Variants in VSTM2B observed in about 807,000 individuals in gnomAD.
VSTM2B encodes the protein V-set and transmembrane domain-containing protein 2B.
VSTM2B carries 24 observed loss-of-function variants against 24.0 expected under a neutral mutation model. The ratio of observed to expected loss-of-function variants is 1.00; its 90% CI spans 0.72 to 1.40. The LOEUF is 1.40. Among genes scored for constraint, VSTM2B ranks in the 40% most tolerant of loss-of-function variants. The pLI is 0.00. For synonymous variants in VSTM2B, 226 were observed against 194.4 expected (o/e 1.16, Z -1.35); for missense variants, 399 against 416.4 (o/e 0.96, Z 0.36).
Position 29,526,839 on chromosome 19 carries a change from C to A in VSTM2B, c.82+174C>A, listed in dbSNP as rs1969582986. 7 of 569,452 alleles carry A rather than the reference C, an allele frequency of 1.2e-5. No individual in the cohort carries two copies. In the South Asian group the frequency reaches 2.0e-4, roughly 16 times the overall value. The allele number at this position is 569,452 out of a possible 1,614,324, so 35.3% of individuals were successfully genotyped here. A position where few individuals can be genotyped will look rare whatever the true frequency, so the allele number is the denominator to read the frequency against. ...GGCGAGCGGCGAAGGGTCGCCGCAGCAGCAGCGCCGCGCCCGAGTCGTTCC... is the reference window on the plus strand; with the variant it reads ...GGCGAGCGGCGAAGGGTCGCCGCAGAAGCAGCGCCGCGCCCGAGTCGTTCC... On this transcript the variant is annotated intron_variant, in intron 1 of 4. Transcript: ENST00000335523. The surrounding 1 kb of genome is among the most constrained non-coding windows in gnomAD (Gnocchi z 4.1).
rs574373003 is a variant in VSTM2B, at chr19:29,534,963, C to A, written c.769+4673C>A. Among the ~76,000 whole-genome samples, 289 of 152,196 alleles carry A rather than the reference C, an allele frequency of 1.9e-3. 1 individual carries two copies. The highest frequency in any genetic ancestry group is 3.5e-3 in the Non-Finnish European group (238 of 68,036). Reference sequence around the variant, plus strand: ...ATCCATTAGCTACCGCACAGCCAGGCAAGAAAGCCCTTCCCATGCCACATG... The same window carrying A: ...ATCCATTAGCTACCGCACAGCCAGGAAAGAAAGCCCTTCCCATGCCACATG... On this transcript the variant is annotated intron_variant, in intron 4 of 4. Transcript: ENST00000335523.
intron 4 of VSTM2B, among the ~76,000 whole-genome samples, chr19:29,556,210 A>G (rs527866679): frequency 1.3e-5 from 2 of 152,340 alleles, no homozygotes; most frequent in South Asian, 4.1e-4. Flanking sequence ...CAAAAAGCTT[A>G]TTCACCACAA....
rs552530343 is a variant in VSTM2B, at chr19:29,544,301, C to T, written c.769+14011C>T. On this transcript the variant is annotated intron_variant, in intron 4 of 4. Coordinates refer to ENST00000335523, the MANE Select transcript of VSTM2B (RefSeq NM_001146339.2). ...CAGCATTTTGGGAGGCCGAGGCAGG[C>T]GGATCACGAGGTCAGGAGATCGAGA... Among the ~76,000 whole-genome samples, 1,284 of 151,300 alleles carry T rather than the reference C, an allele frequency of 8.5e-3. 16 individuals carry two copies. Among genetic ancestry groups the T allele is most frequent in the African/African-American group, 0.029 (1,179 of 41,318 alleles).
At chr19:29,556,137 C>T (rs1970402644) in intron 4 of VSTM2B, among the ~76,000 whole-genome samples, 1 of 149,474 alleles carries the variant, frequency 6.7e-6, no homozygotes, top group Non-Finnish European at 1.5e-5. Context: ...AGCCAATATC[C>T]CTGATGAACA....
At chr19:29,529,188 G>A (rs1969664554) in intron 3 of VSTM2B, 2 of 957,472 alleles carry the variant, frequency 2.1e-6, no homozygotes, top group Admixed American at 6.2e-5. Context: ...TCGCTGGGGG[G>A]CTTCTGGAGA....
At chr19:29,540,600 C>A (rs73547246) in intron 4 of VSTM2B, among the ~76,000 whole-genome samples, 2 of 152,242 alleles carry the variant, frequency 1.3e-5, no homozygotes, top group Non-Finnish European at 2.9e-5. Flanking sequence ...GGTTCATTCT[C>A]ACTGCTGTTT....
intron 4 of VSTM2B, among the ~76,000 whole-genome samples, chr19:29,532,091 G>A (rs114661458): frequency 0.011 from 1,642 of 152,310 alleles, 25 homozygotes; most frequent in African/African-American, 0.037. Flanking sequence ...CATTTAGGAC[G>A]GCCCTAAGTA....
In VSTM2B at chr19:29,528,859, C is replaced by T. The variant is rs1052448215; in HGVS notation, c.297+397C>T. The T allele has an allele frequency of 4.2e-6, 4 of 960,188 alleles. No homozygotes were observed. In the African/African-American group the frequency reaches 7.0e-5, roughly 17 times the overall value. 59.5% of individuals were successfully genotyped at this position (960,188 alleles called of 1,614,324 possible). ...CGCCAGCTTCCCGCCCCCTCTGCCC[C>T]GCCCTGAGCATCTGCTCTGCGCCCT... On this transcript the variant is annotated intron_variant, in intron 3 of 4. Transcript: ENST00000335523.
intron 3 of VSTM2B, chr19:29,528,829 C>A (rs1969650655): frequency 2.3e-6 from 2 of 874,904 alleles, no homozygotes; most frequent in Non-Finnish European, 1.4e-6. Context: ...TCGCCGCGAC[C>A]GTGGCGCCAG....
chr19:29,531,723 G>C (rs543158407), intron 4 of VSTM2B, among the ~76,000 whole-genome samples: 1 of 152,248 alleles, frequency 6.6e-6, no homozygotes, highest in East Asian at 1.9e-4. Flanking sequence ...AGCCTCCACA[G>C]CCCAGCTGGG....
At chr19:29,548,266 T>C (rs930666450) in intron 4 of VSTM2B, among the ~76,000 whole-genome samples, 1 of 152,102 alleles carries the variant, frequency 6.6e-6, no homozygotes, top group African/African-American at 2.4e-5. Context: ...ACAGCTTGTC[T>C]GCAAACCCAG....
chr19:29,526,942 G>A lies in VSTM2B; in HGVS notation c.83-269G>A. The A allele has an allele frequency of 2.1e-6, 1 of 465,496 alleles. No individual in the cohort carries two copies. Among genetic ancestry groups the A allele is most frequent in the Non-Finnish European group, 3.7e-6 (1 of 267,654 alleles). 28.8% of individuals were successfully genotyped at this position (465,496 alleles called of 1,614,324 possible). Reference sequence around the variant, plus strand: ...AGGCGCGCCCCAGCCAGGCTCTGGCGGTGCGGCCAGGGGCGGGGGAGAAGC... The same window carrying A: ...AGGCGCGCCCCAGCCAGGCTCTGGCAGTGCGGCCAGGGGCGGGGGAGAAGC... On this transcript the variant is annotated intron_variant, in intron 1 of 4. Coordinates refer to ENST00000335523, the MANE Select transcript of VSTM2B (RefSeq NM_001146339.2). This position sits in a 1 kb window ranked among gnomAD's most constrained non-coding sequence, Gnocchi z 4.1.
chr19:29,530,162 C>A lies in VSTM2B; in HGVS notation c.641C>A (p.Ala214Glu), dbSNP rs1409214284. The A allele has an allele frequency of 6.7e-7, 1 of 1,482,472 alleles. No individual in the cohort carries two copies. Among genetic ancestry groups the A allele is most frequent in the Non-Finnish European group, 8.9e-7 (1 of 1,123,988 alleles). 91.8% of individuals were successfully genotyped at this position (1,482,472 alleles called of 1,614,324 possible). The change falls in exon 4 of 5, where the codon GCA (alanine) becomes GAA (glutamate). Residue 214 changes from alanine (A) to glutamate (E), a missense_variant. Transcript: ENST00000335523. ...PGSPPAAIDP[A>E]VPEAAAASAA... is the part of the protein sequence containing the mutation. The stretch of plus-strand genomic sequence containing the variant: ...AGCCCTCCCGCCGCCATCGATCCCG[C>A]AGTCCCCGAGGCCGCGGCAGCCTCG...
At chr19:29,549,572 G>A (rs1015126810) in intron 4 of VSTM2B, among the ~76,000 whole-genome samples, 4 of 151,134 alleles carry the variant, frequency 2.6e-5, no homozygotes, top group Admixed American at 6.6e-5. Context: ...CCAGACACTG[G>A]CCCCAATGCT....
chr19:29,535,519 T>A (rs1969866709), intron 4 of VSTM2B, among the ~76,000 whole-genome samples: 1 of 151,956 alleles, frequency 6.6e-6, no homozygotes, highest in Non-Finnish European at 1.5e-5. Flanking sequence ...CACGGAGAAC[T>A]GGCTCTCAAT....
chr19:29,529,673 T>G, intron 3 of VSTM2B, 146 bp from the exon 4 acceptor site: 2 of 805,980 alleles, frequency 2.5e-6, no homozygotes, highest in South Asian at 1.7e-5. Context: ...TAGACGCGGG[T>G]GAAAGGGAAG....
chr19:29,527,213 G>A lies in VSTM2B; in HGVS notation c.85G>A (p.Ala29Thr), dbSNP rs957618267. The A allele has an allele frequency of 5.2e-6, 8 of 1,547,530 alleles. No individual in the cohort carries two copies. The African/African-American group carries it at 6.9e-5, about 13-fold the overall frequency. Residue 29 changes from alanine to threonine, a missense_variant and splice_region_variant, in exon 2 of 5, where the codon GCA (alanine) becomes ACA (threonine). By Grantham distance (58) the Ala-to-Thr change is moderately conservative. Transcript: ENST00000335523. ...TCTCTCTCTCTCCCCACCCCCAGCT[G>A]CATTCACAGAAGTCCCCAAAGATGT... Reference protein sequence around the residue: ...HALLLFVADAAFTEVPKDVTV... With the variant: ...HALLLFVADATFTEVPKDVTV...
At chr19:29,529,229 G>A (rs1224723112) in intron 3 of VSTM2B, 30 of 669,964 alleles carry the variant, frequency 4.5e-5, no homozygotes, top group Non-Finnish European at 5.5e-5. Flanking sequence ...GTAGCAGGTG[G>A]CCAGGGAGCC....
At chr19:29,528,849 C>T in intron 3 of VSTM2B, 1 of 939,214 alleles carries the variant, frequency 1.1e-6, no homozygotes, top group Non-Finnish European at 1.3e-6. Context: ...GCTTCCCGCC[C>T]CCTCTGCCCC....
Sources: gnomAD v4.1 joint callset for allele counts (sites outside exome capture counted in the v4.1 genomes callset) on GRCh38, gnomAD v4.1.1 for gene constraint, Gnocchi (gnomAD v3.1) non-coding constraint, MANE v1.5 for transcripts, NCBI Gene and HGNC (gene_info 2026-07-23, HGNC 2026-07-21) for gene names.